PLPPR1: variants seen among roughly 807,000 people sequenced by gnomAD.
PLPPR1 encodes phospholipid phosphatase related 1.
In PLPPR1, 10 loss-of-function variants were observed where a neutral mutation model predicts 33.1. The observed-to-expected ratio is 0.30, with a 90% CI of 0.19 to 0.51. The LOEUF (loss-of-function observed/expected upper bound fraction) is 0.51, where lower values mean the gene tolerates loss of function less well. Ranked by LOEUF, PLPPR1 falls within the 20% of genes least tolerant of loss-of-function variation. The pLI is 0.97. For synonymous variants in PLPPR1, 151 were observed against 151.0 expected (o/e 1.00, Z 0.00); for missense variants, 304 against 408.1 (o/e 0.74, Z 2.20).
chr9:101,101,573 C>G (rs552460820), intron 1 of PLPPR1, among the ~76,000 whole-genome samples: 117 of 150,682 alleles, frequency 7.8e-4, no homozygotes, highest in African/African-American at 2.8e-3. Flanking sequence ...TTATTGCTTT[C>G]CAAAATTTCT....
chr9:101,109,873 C>G (rs1262084066), intron 1 of PLPPR1, among the ~76,000 whole-genome samples: 1 of 152,144 alleles, frequency 6.6e-6, no homozygotes, highest in Non-Finnish European at 1.5e-5. Context: ...TTGTTTGTGA[C>G]ATGTCACTTT....
chr9:101,249,061 A>C (rs989163633), intron 2 of PLPPR1, among the ~76,000 whole-genome samples: 4 of 152,104 alleles, frequency 2.6e-5, no homozygotes, highest in African/African-American at 9.7e-5. Flanking sequence ...GATTATACCA[A>C]ATTCCACGCC....
At chr9:101,181,338 A>T (rs1826106984) in intron 1 of PLPPR1, among the ~76,000 whole-genome samples, 1 of 151,222 alleles carries the variant, frequency 6.6e-6, no homozygotes, top group South Asian at 2.1e-4. Flanking sequence ...TGTGGAGAAA[A>T]AAAAATGCTT....
intron 2 of PLPPR1, among the ~76,000 whole-genome samples, chr9:101,213,106 A>T (rs1588074845): frequency 6.6e-6 from 1 of 152,322 alleles, no homozygotes; most frequent in Middle Eastern, 3.4e-3. Context: ...AGATGATTAT[A>T]GCTAATGGTG....
intron 1 of PLPPR1, among the ~76,000 whole-genome samples, chr9:101,097,578 A>G (rs1187719968): frequency 6.6e-6 from 1 of 152,184 alleles, no homozygotes; most frequent in Non-Finnish European, 1.5e-5. Flanking sequence ...ATTTAACCCT[A>G]GAAGGTATGT....
rs143474933 is a variant in PLPPR1 at position 101,061,248 on chromosome 9, A to G, written c.-46+32146A>G. Among the ~76,000 whole-genome samples, 8 of 152,040 alleles carry G rather than the reference A, an allele frequency of 5.3e-5. No individual in the cohort carries two copies. The East Asian group carries it at 1.4e-3, about 26-fold the overall frequency. ...AATTATAAGATATGAAATATATCTA[A>G]TTGCCTCTGTGAAAACAGAGGCAAA... On this transcript the variant is annotated intron_variant, in intron 1 of 7. Coordinates refer to ENST00000374874, the MANE Select transcript of PLPPR1 (RefSeq NM_207299.2).
At chr9:101,202,569 G>A (rs1215271039) in intron 2 of PLPPR1, among the ~76,000 whole-genome samples, 1 of 152,214 alleles carries the variant, frequency 6.6e-6, no homozygotes, top group Non-Finnish European at 1.5e-5. Flanking sequence ...ACCGTAAAAT[G>A]AGGATTTGAA....
chr9:101,135,661 A>G (rs1831369541), intron 1 of PLPPR1, among the ~76,000 whole-genome samples: 1 of 152,218 alleles, frequency 6.6e-6, no homozygotes, highest in Non-Finnish European at 1.5e-5. Flanking sequence ...TATGTTGGTC[A>G]TTAGAGTAGA....
At chr9:101,174,877 T>C (rs958166300) in intron 1 of PLPPR1, among the ~76,000 whole-genome samples, 3 of 152,262 alleles carry the variant, frequency 2.0e-5, no homozygotes, top group Admixed American at 1.3e-4. Flanking sequence ...TCAGTGACTG[T>C]CAATATTGAT....
intron 2 of PLPPR1, among the ~76,000 whole-genome samples, chr9:101,234,926 T>C (rs924030444): frequency 2.0e-5 from 3 of 151,946 alleles, no homozygotes; most frequent in Non-Finnish European, 4.4e-5. Context: ...TCATTAAGTC[T>C]CAGGATTCTA....
intron 1 of PLPPR1, among the ~76,000 whole-genome samples, chr9:101,107,155 A>C (rs1830981200): frequency 9.8e-6 from 1 of 102,470 alleles, no homozygotes; most frequent in Non-Finnish European, 1.8e-5. Context: ...AGCTCCTCAA[A>C]ATCATTCTCC....
intron 1 of PLPPR1, among the ~76,000 whole-genome samples, chr9:101,071,143 C>T (rs1830478226): frequency 6.6e-6 from 1 of 151,980 alleles, no homozygotes; most frequent in African/African-American, 2.4e-5. Flanking sequence ...ACAATGTCAG[C>T]CTGCCCTAAG....
At chr9:101,239,648 A>G (rs1827410010) in intron 2 of PLPPR1, among the ~76,000 whole-genome samples, 1 of 152,034 alleles carries the variant, frequency 6.6e-6, no homozygotes, top group Non-Finnish European at 1.5e-5. Context: ...TATGATTTGC[A>G]TTTCCATGGT....
intron 2 of PLPPR1, among the ~76,000 whole-genome samples, chr9:101,199,349 G>C: frequency 6.6e-6 from 1 of 152,182 alleles, no homozygotes; most frequent in East Asian, 1.9e-4. Flanking sequence ...TTATCTGCTA[G>C]TCCCTGTGGC....
chr9:101,147,738 C>T (rs1831537781), intron 1 of PLPPR1, among the ~76,000 whole-genome samples: 1 of 152,174 alleles, frequency 6.6e-6, no homozygotes, highest in Non-Finnish European at 1.5e-5. Flanking sequence ...TTACACATCT[C>T]ATGCTCTTTG....
At chr9:101,050,124 GAAAA>G (rs35688096) in intron 1 of PLPPR1, among the ~76,000 whole-genome samples, 1 of 35,182 alleles carries the variant, frequency 2.8e-5, no homozygotes, top group African/African-American at 8.1e-5. Flanking sequence ...CTCCAACTCA[GAAAA>G]AAAAAAAAAA....
At chr9:101,047,074 C>T (rs1006691387) in intron 1 of PLPPR1, among the ~76,000 whole-genome samples, 3 of 152,124 alleles carry the variant, frequency 2.0e-5, no homozygotes, top group Admixed American at 6.5e-5. Flanking sequence ...CCCTTGCATG[C>T]GCAGTTCACA....
chr9:101,160,851 G>A (rs111965627), intron 1 of PLPPR1, among the ~76,000 whole-genome samples: 3 of 152,120 alleles, frequency 2.0e-5, no homozygotes, highest in African/African-American at 7.2e-5. Flanking sequence ...ACATGTCATC[G>A]AAATATTAAA....
At position 101,286,400 on chromosome 9, in the gene PLPPR1, G is replaced by A. The variant is rs115089767; in HGVS notation, c.385+164G>A. ...CATCAAATTTTTGACTCTCGAAATG[G>A]TACTTCTTAAATTGTCTTATGAATG... On this transcript the variant is annotated intron_variant, in intron 4 of 7. Transcript: ENST00000374874. Among the ~76,000 whole-genome samples, 858 of 152,232 alleles carry A rather than the reference G, an allele frequency of 5.6e-3. 9 individuals are homozygous for A. Among genetic ancestry groups the A allele is most frequent in the African/African-American group, 0.019 (802 of 41,528 alleles).
Sources: gnomAD v4.1 joint callset for allele counts (sites outside exome capture counted in the v4.1 genomes callset) on GRCh38, gnomAD v4.1.1 for gene constraint, MANE v1.5 for transcripts, NCBI Gene and HGNC (gene_info 2026-07-23, HGNC 2026-07-21) for gene names.